The following SPOCD1 variants were observed in gnomAD, a reference collection of about 807,000 sequenced individuals.
SPOCD1 encodes SPOC domain-containing protein 1.
Under a neutral mutation model 92.2 loss-of-function variants are expected in SPOCD1, and 64 were observed. The ratio of observed to expected loss-of-function variants is 0.69; its 90% CI spans 0.57 to 0.86. SPOCD1 has a LOEUF of 0.86. SPOCD1 is among the 40% of genes least tolerant of loss of function. The probability of loss-of-function intolerance (pLI) is 0.00; values close to 1 mark genes in which losing one functional copy is unlikely to be tolerated. For missense variants in SPOCD1, 1,360 were observed against 1,543.1 expected, an observed-to-expected ratio of 0.88 and a Z score of 1.99; for synonymous variants, 578 against 619.3, an observed-to-expected ratio of 0.93 and a Z score of 0.99.
At chr1:31,795,413 A>G (rs926499957) in intron 10 of SPOCD1, 5 of 152,178 alleles carry the variant, frequency 3.3e-5, no homozygotes, top group African/African-American at 4.8e-5. Context: ...CTCCTAGGCC[A>G]TTGTGAGATG....
intron 2 of SPOCD1, among the ~76,000 whole-genome samples, chr1:31,812,864 C>T (rs573556957): frequency 6.6e-6 from 1 of 152,338 alleles, no homozygotes; most frequent in Non-Finnish European, 1.5e-5. Context: ...ACCTCACCTC[C>T]GTGGACGTCG....
chr1:31,799,912 C>T, intron 5 of SPOCD1, 49 bp from the exon 6 acceptor site: 1 of 1,613,908 alleles, frequency 6.2e-7, no homozygotes, highest in Non-Finnish European at 8.5e-7. Context: ...GGCCTGGCTT[C>T]CAGCCCAGGG....
Position 31,814,068 on chromosome 1 carries a change from A to T in SPOCD1, c.1266T>A (p.Thr422=). ...PFMEQRRSKG[T]KNLKKGPVPC... ...GCACTGGACCTTTCTTCAGGTTCTT[A>T]GTGCCCTTGGATCTTCTCTGCTCCA... is the stretch of plus-strand genomic sequence containing the variant. The change falls in exon 2 of 16, where the codon ACT becomes ACA. Residue 422 remains threonine (T), a synonymous_variant. Transcript: ENST00000360482. This position sits in a 1 kb window ranked among gnomAD's most constrained non-coding sequence, Gnocchi z 4.2. The T allele has an allele frequency of 1.9e-6, 3 of 1,613,756 alleles. No homozygotes were observed. The South Asian group carries it at 3.3e-5, about 18-fold the overall frequency.
Position 31,814,354 on chromosome 1 carries a change from G to A in SPOCD1, c.980C>T (p.Ala327Val). Residue 327 changes from alanine (A) to valine (V), a missense_variant, in exon 2 of 16, where the codon GCA becomes GTA. By Grantham distance (64) the Ala-to-Val change is moderately conservative. Transcript: ENST00000360482. The surrounding 1 kb of genome is among the most constrained non-coding windows in gnomAD (Gnocchi z 4.2). ...CTGTGCTGACGCCCCCAGGCACAGT[G>A]CTGCGCTCTGTGGAGGAGCCTGTGC... is the stretch of plus-strand genomic sequence containing the variant. ...SAAQAPPQSAALCLGASAQAS... is the reference protein window; with the variant it reads ...SAAQAPPQSAVLCLGASAQAS... The A allele has an allele frequency of 6.2e-7, 1 of 1,600,428 alleles. No individual in the cohort carries two copies. The highest frequency in any genetic ancestry group is 8.5e-7 in the Non-Finnish European group (1 of 1,172,138).
rs764236418 is a variant in SPOCD1, at chr1:31,798,653, C to T, written c.1869-52G>A. 1.0e-5 allele frequency: 16 copies of T among 1,579,292 alleles called. No individual in the cohort carries two copies. Among genetic ancestry groups the T allele is most frequent in the Non-Finnish European group, 1.4e-5 (16 of 1,164,816 alleles). On this transcript the variant is annotated intron_variant, in intron 7 of 15. Coordinates refer to ENST00000360482, the MANE Select transcript of SPOCD1 (RefSeq NM_144569.7). This position sits in a 1 kb window ranked among gnomAD's most constrained non-coding sequence, Gnocchi z 4.1. ...CACTGAGCCCAGGAGGCTCTCCAGG[C>T]ACTTAGTCCCAGAGGGAGGCAGCTG...
intron 2 of SPOCD1, among the ~76,000 whole-genome samples, chr1:31,811,214 G>A (rs992368399): frequency 1.3e-5 from 2 of 152,184 alleles, no homozygotes; most frequent in Admixed American, 6.5e-5. Flanking sequence ...GCTCATGCCT[G>A]TAATCCCAGC....
chr1:31,800,003 C>A lies in SPOCD1; in HGVS notation c.1728+13G>T. On this transcript the variant is annotated intron_variant, in intron 5 of 15. Coordinates refer to ENST00000360482, the MANE Select transcript of SPOCD1 (RefSeq NM_144569.7). ...CAGTGAAGGAGGCACATGGCCGGGG[C>A]AGAACAACTTGCCTGGGAACATGCA... The A allele has an allele frequency of 6.2e-7, 1 of 1,611,670 alleles. No homozygotes were observed. The highest frequency in any genetic ancestry group is 2.2e-5 in the East Asian group (1 of 44,850).
chr1:31,793,453 G>A, intron 12 of SPOCD1, 25 bp from the exon 13 acceptor site: 1 of 1,572,538 alleles, frequency 6.4e-7, no homozygotes, highest in Admixed American at 1.9e-5. Flanking sequence ...AGAAGACAGG[G>A]CCAGACAGAG....
intron 10 of SPOCD1, chr1:31,795,165 T>C (rs1020930165): frequency 2.0e-5 from 3 of 152,380 alleles, no homozygotes; most frequent in South Asian, 2.1e-4. Context: ...TTGACGTCTA[T>C]TGCCAAATCA....
rs540245877 is a variant in SPOCD1, at chr1:31,799,557, T to C, written c.1784-72A>G. On this transcript the variant is annotated intron_variant, in intron 6 of 15. Coordinates refer to ENST00000360482, the MANE Select transcript of SPOCD1 (RefSeq NM_144569.7). ...GGGGAGGGGGCTGACTCAAGGCTGA[T>C]GGGTTTAGGCAGACAGGAGAGGGGT... 5 of 1,379,096 alleles carry C rather than the reference T, an allele frequency of 3.6e-6. No individual in the cohort carries two copies. In the East Asian group the frequency reaches 9.5e-5, roughly 26 times the overall value. 85.4% of individuals were successfully genotyped at this position (1,379,096 alleles called of 1,614,324 possible). A position where few individuals can be genotyped will look rare whatever the true frequency, so the allele number is the denominator to read the frequency against.
Position 31,791,206 on chromosome 1 carries a change from G to C in SPOCD1, c.3048C>G (p.Pro1016=). The change falls in exon 16 of 16, where the codon CCC becomes CCG. Residue 1016 remains proline (P), a synonymous_variant. Transcript: ENST00000360482. ...CTGCTGTGTCTGGAAGCCCTTCCTT[G>C]GGGAGCAGCACAGCCAGCAACAGAC... is the stretch of plus-strand genomic sequence containing the variant. The part of the protein sequence containing the change: ...HSSLLLAVLL[P]KEGLPDTAGS... 2 of 1,609,128 alleles carry C rather than the reference G, an allele frequency of 1.2e-6. No homozygotes were observed. Among genetic ancestry groups the C allele is most frequent in the Non-Finnish European group, 1.7e-6 (2 of 1,177,222 alleles).
Position 31,790,494 on chromosome 1 carries a change from G to C in SPOCD1, c.*109C>G. On this transcript the variant is annotated 3_prime_UTR_variant, in exon 16 of 16. Coordinates refer to ENST00000360482, the MANE Select transcript of SPOCD1 (RefSeq NM_144569.7). ...ATTGTCAAACAGGAAGTTCAAACAG[G>C]GCAGGTGGGTAGGGCTGACCATCCT... The C allele has an allele frequency of 1.0e-6, 1 of 974,620 alleles. No homozygotes were observed. The highest frequency in any genetic ancestry group is 1.5e-6 in the Non-Finnish European group (1 of 663,812). The allele number at this position is 974,620 out of a possible 1,614,324, so 60.4% of individuals were successfully genotyped here.
At chr1:31,804,065 TC>T (rs1648652457) in intron 2 of SPOCD1, among the ~76,000 whole-genome samples, 1 of 152,044 alleles carries the variant, frequency 6.6e-6, no homozygotes, top group African/African-American at 2.4e-5. Context: ...AAAAGGAAAT[TC>T]ATACCTAGAC....
rs1467157023 is a variant in SPOCD1, at chr1:31,792,342, C to G, written c.2835G>C (p.Leu945=). 1 of 1,614,046 alleles carries G rather than the reference C, an allele frequency of 6.2e-7. No homozygotes were observed. Among genetic ancestry groups the G allele is most frequent in the Non-Finnish European group, 8.5e-7 (1 of 1,180,026 alleles). ...HGARDTQNCR[L]LYSYLNDRQR... ...GCCTATCATTGAGGTATGAGTAGAGCAGGCGGCAGTTCTGGGTGTCCCGGG... is the reference window on the plus strand; with the variant it reads ...GCCTATCATTGAGGTATGAGTAGAGGAGGCGGCAGTTCTGGGTGTCCCGGG... The change falls in exon 15 of 16, where the codon CTG becomes CTC. Residue 945 remains leucine (L), a synonymous_variant. Transcript: ENST00000360482.
At chr1:31,813,422 G>A (rs1649330759) in intron 2 of SPOCD1, among the ~76,000 whole-genome samples, 1 of 152,156 alleles carries the variant, frequency 6.6e-6, no homozygotes, top group Admixed American at 6.5e-5. Flanking sequence ...GTGCCACCAT[G>A]CCCAGCTAAT....
chr1:31,792,191 C>T (rs1292605456), intron 15 of SPOCD1, 24 bp downstream of exon 15: 1 of 1,580,222 alleles, frequency 6.3e-7, no homozygotes, highest in South Asian at 1.2e-5. Flanking sequence ...GAGGCAGGGT[C>T]TGGTATGGGG....
rs1256916930 is a variant in SPOCD1 at position 31,793,885 on chromosome 1, G to A, written c.2396C>T (p.Ser799Leu). 7 of 1,612,110 alleles carry A rather than the reference G, an allele frequency of 4.3e-6. No homozygotes were observed. Among genetic ancestry groups the A allele is most frequent in the African/African-American group, 2.7e-5 (2 of 74,886 alleles). ...NCHICKDWEP[S>L]NELLGSFEAA... ...TTCGAAGGAGCCTAGCAGCTCATTC[G>A]AGGGCTCCCAGTCTGCAAATAGCAG... Residue 799 changes from serine (S) to leucine (L), a missense_variant, in exon 12 of 16, where the codon TCG becomes TTG. Around this residue, in one of 3 missense-constraint regions of SPOCD1, gnomAD observed 614 missense variants for 757.8 expected, o/e 0.81. Transcript: ENST00000360482.
chr1:31,798,742 T>C lies in SPOCD1; in HGVS notation c.1869-141A>G. On this transcript the variant is annotated intron_variant, in intron 7 of 15. Transcript: ENST00000360482. This position sits in a 1 kb window ranked among gnomAD's most constrained non-coding sequence, Gnocchi z 4.1. ...GGGTGTTTCCCTGCAGGAACCTACT[T>C]ATTCTCACCCCAACTCCGTGAGGAG... 1.2e-6 allele frequency: 1 copy of C among 819,594 alleles called. No individual in the cohort carries two copies. The highest frequency in any genetic ancestry group is 1.9e-6 in the Non-Finnish European group (1 of 529,002). 50.8% of individuals were successfully genotyped at this position (819,594 alleles called of 1,614,324 possible).
chr1:31,792,863 A>T, intron 13 of SPOCD1, 96 bp from the exon 14 acceptor site: 1 of 979,652 alleles, frequency 1.0e-6, no homozygotes, highest in Non-Finnish European at 1.6e-6. Flanking sequence ...GCCTGTGGCA[A>T]ATATGGGCAG....
Sources: gnomAD v4.1 joint callset for allele counts (sites outside exome capture counted in the v4.1 genomes callset) on GRCh38, gnomAD v4.1.1 for gene constraint, gnomAD v4.1.1 regional missense constraint, Gnocchi (gnomAD v3.1) non-coding constraint, MANE v1.5 for transcripts, NCBI Gene and HGNC (gene_info 2026-07-23, HGNC 2026-07-21) for gene names.